TMEM45B: variants seen among roughly 807,000 people sequenced by gnomAD.
TMEM45B encodes transmembrane protein 45B.
A neutral mutation model predicts 27.3 loss-of-function variants in TMEM45B; 29 were observed. The ratio of observed to expected loss-of-function variants is 1.06; its 90% CI spans 0.79 to 1.45. The LOEUF (loss-of-function observed/expected upper bound fraction) is 1.45, where lower values mean the gene tolerates loss of function less well. Among genes scored for constraint, TMEM45B ranks in the 40% most tolerant of loss-of-function variants. The pLI is 0.00. For synonymous variants in TMEM45B, 143 were observed against 134.7 expected (o/e 1.06, Z -0.43); for missense variants, 348 against 343.9 (o/e 1.01, Z -0.09).
At chr11:129,818,152 C>A (rs1424391789) in intron 1 of TMEM45B, among the ~76,000 whole-genome samples, 1 of 152,202 alleles carries the variant, frequency 6.6e-6, no homozygotes, top group African/African-American at 2.4e-5. Flanking sequence ...AACCAGCTAC[C>A]CCTCTCCCCA....
intron 1 of TMEM45B, among the ~76,000 whole-genome samples, chr11:129,820,127 A>C (rs1407701782): frequency 6.6e-6 from 1 of 151,982 alleles, no homozygotes. Flanking sequence ...CAGCCTGGCC[A>C]ACATGGTGAA....
At position 129,859,179 on chromosome 11, in the gene TMEM45B, G is replaced by T. The variant is rs1272557673; in HGVS notation, c.*494G>T. ...TACAATTCTAACTTACATATTTTTT[G>T]AAAGTAAAATAATTCACAAGCTTTG... On this transcript the variant is annotated 3_prime_UTR_variant, in exon 6 of 6. Transcript: ENST00000281441. The T allele has an allele frequency of 1.3e-5, 2 of 152,236 alleles. No individual in the cohort carries two copies. The highest frequency in any genetic ancestry group is 1.5e-5 in the Non-Finnish European group (1 of 68,078). 9.4% of individuals were successfully genotyped at this position (152,236 alleles called of 1,614,324 possible). A position where few individuals can be genotyped will look rare whatever the true frequency, so the allele number is the denominator to read the frequency against.
chr11:129,838,158 G>C (rs1163421229), intron 1 of TMEM45B, among the ~76,000 whole-genome samples: 2 of 152,180 alleles, frequency 1.3e-5, no homozygotes, highest in Non-Finnish European at 2.9e-5. Flanking sequence ...AAAGAGGGCA[G>C]CCTGCTGTCT....
In TMEM45B at chr11:129,858,578, T is replaced by C. The variant is rs1947963194; in HGVS notation, c.721T>C (p.Leu241=). 2 of 1,580,928 alleles carry C rather than the reference T, an allele frequency of 1.3e-6. No individual in the cohort carries two copies. Among genetic ancestry groups the C allele is most frequent in the Admixed American group, 1.8e-5 (1 of 54,882 alleles). ...AVNYSLVYCL[L]TRMKRHGRGE... Reference sequence around the variant, plus strand: ...CTTACTCTTTCTCTATTAAAGCCTTTTGACTCGGATGAAGAGACACGGAAG... The same window carrying C: ...CTTACTCTTTCTCTATTAAAGCCTTCTGACTCGGATGAAGAGACACGGAAG... Residue 241 remains leucine (L), a synonymous_variant, in exon 6 of 6, where the codon TTG becomes CTG. Transcript: ENST00000281441.
At chr11:129,847,780 A>T (rs979549186) in intron 1 of TMEM45B, among the ~76,000 whole-genome samples, 1 of 152,082 alleles carries the variant, frequency 6.6e-6, no homozygotes, top group Non-Finnish European at 1.5e-5. Context: ...TCCCATGTCT[A>T]CTTCTTTCTA....
At chr11:129,837,504 C>G (rs1457629482) in intron 1 of TMEM45B, among the ~76,000 whole-genome samples, 1 of 149,990 alleles carries the variant, frequency 6.7e-6, no homozygotes, top group Non-Finnish European at 1.5e-5. Context: ...CCAGGCTGGT[C>G]TTGAACTCTT....
intron 1 of TMEM45B, among the ~76,000 whole-genome samples, chr11:129,826,164 G>A (rs1947475585): frequency 6.6e-6 from 1 of 151,844 alleles, no homozygotes; most frequent in Non-Finnish European, 1.5e-5. Context: ...TCTGCATTTC[G>A]TTTTTGTGAT....
intron 1 of TMEM45B, among the ~76,000 whole-genome samples, chr11:129,823,287 T>C (rs919691080): frequency 6.6e-6 from 1 of 151,380 alleles, no homozygotes; most frequent in Non-Finnish European, 1.5e-5. Context: ...ATTTTTTTCC[T>C]GGGAAAGTTT....
chr11:129,817,566 CT>C (rs1477880475), intron 1 of TMEM45B, among the ~76,000 whole-genome samples: 1 of 152,198 alleles, frequency 6.6e-6, no homozygotes, highest in East Asian at 1.9e-4. Flanking sequence ...CCATTTCCTT[CT>C]TTTTAAAGAG....
Position 129,857,380 on chromosome 11 carries a change from T to G in TMEM45B, c.638T>G (p.Met213Arg). 1 of 1,614,194 alleles carries G rather than the reference T, an allele frequency of 6.2e-7. No homozygotes were observed. Among genetic ancestry groups the G allele is most frequent in the Non-Finnish European group, 8.5e-7 (1 of 1,180,032 alleles). Reference protein sequence around the residue: ...EWDQKDDANLMFITMCFCWHY... With the variant: ...EWDQKDDANLRFITMCFCWHY... ...GACCAGAAGGATGATGCCAACCTCA[T>G]GTTCATCACCATGTGCTTCTGCTGG... Residue 213 changes from methionine to arginine, a missense_variant, in exon 5 of 6, where the codon ATG (methionine) becomes AGG (arginine). By Grantham distance (91) the Met-to-Arg change is moderately conservative. Coordinates refer to ENST00000281441, the MANE Select transcript of TMEM45B (RefSeq NM_138788.5).
At chr11:129,857,042 C>T (rs1479346701) in intron 4 of TMEM45B, among the ~76,000 whole-genome samples, 1 of 151,888 alleles carries the variant, frequency 6.6e-6, no homozygotes, top group Non-Finnish European at 1.5e-5. Flanking sequence ...TTAGTAGAAA[C>T]AGGGTTTCAC....
intron 1 of TMEM45B, 117 bp downstream of exon 1, chr11:129,816,015 C>CG (rs1947345825): frequency 2.4e-6 from 3 of 1,224,844 alleles, no homozygotes; most frequent in Non-Finnish European, 3.1e-6. Flanking sequence ...AGGGGACCTG[C>CG]GGGGGAGGGG....
intron 4 of TMEM45B, 75 bp from the exon 5 acceptor site, chr11:129,857,238 T>C: frequency 7.0e-6 from 11 of 1,571,032 alleles, no homozygotes; most frequent in Non-Finnish European, 9.6e-6. Context: ...GCCACTTCGG[T>C]GGCCACAGGA....
At position 129,844,507 on chromosome 11, in the gene TMEM45B, G is replaced by A. The variant is rs149938709; in HGVS notation, c.-8-7968G>A. 6.2e-3 allele frequency among the ~76,000 whole-genome samples: 938 copies of A among 152,224 alleles called. 9 individuals carry two copies. Among genetic ancestry groups the A allele is most frequent in the African/African-American group, 0.019 (804 of 41,524 alleles). ...TCAAGACCAGCCTGGGCAACATAGC[G>A]AGACGTTGTCTCTACAAAAAATTTT... On this transcript the variant is annotated intron_variant, in intron 1 of 5. Transcript: ENST00000281441.
rs188813446 is a variant in TMEM45B, at chr11:129,857,252, C to T, written c.571-61C>T. On this transcript the variant is annotated intron_variant, in intron 4 of 5. Coordinates refer to ENST00000281441, the MANE Select transcript of TMEM45B (RefSeq NM_138788.5). ...GGCCACTTCGGTGGCCACAGGAGAA[C>T]GGCTAGATTGCTTCTCAGGACGACC... The T allele has an allele frequency of 2.3e-4, 361 of 1,594,550 alleles. No homozygotes were observed. The East Asian group carries it at 7.5e-3, about 33-fold the overall frequency.
chr11:129,829,229 G>A (rs1304853906), intron 1 of TMEM45B, among the ~76,000 whole-genome samples: 1 of 152,130 alleles, frequency 6.6e-6, no homozygotes, highest in African/African-American at 2.4e-5. Flanking sequence ...CCTCCTTAAA[G>A]GAAAATTTAG....
intron 1 of TMEM45B, among the ~76,000 whole-genome samples, chr11:129,849,036 C>T (rs1947807272): frequency 6.6e-6 from 1 of 152,148 alleles, no homozygotes; most frequent in African/African-American, 2.4e-5. Flanking sequence ...CCAATCCTGG[C>T]CCCCCAGAAT....
chr11:129,855,958 A>G (rs772911145), intron 4 of TMEM45B, 66 bp downstream of exon 4: 48 of 1,575,374 alleles, frequency 3.0e-5, no homozygotes, highest in Non-Finnish European at 4.1e-5. Flanking sequence ...CGCATCCCAG[A>G]GAAATCCCTG....
chr11:129,856,464 G>A (rs549419853), intron 4 of TMEM45B, among the ~76,000 whole-genome samples: 2 of 151,874 alleles, frequency 1.3e-5, no homozygotes, highest in African/African-American at 4.8e-5. Context: ...GCCTGCCTCA[G>A]CCTCCCAAAG....
Sources: gnomAD v4.1 joint callset for allele counts (sites outside exome capture counted in the v4.1 genomes callset) on GRCh38, gnomAD v4.1.1 for gene constraint, MANE v1.5 for transcripts, NCBI Gene and HGNC (gene_info 2026-07-23, HGNC 2026-07-21) for gene names.